STK3: variants seen among roughly 807,000 people sequenced by gnomAD.
STK3 encodes serine/threonine kinase 3.
In STK3, 41 loss-of-function variants were observed where a neutral mutation model predicts 58.0. That is an observed-to-expected ratio of 0.71 (90% confidence interval 0.55 to 0.92). STK3 has a LOEUF of 0.92. Among genes scored for constraint, STK3 ranks in the 40% least tolerant of loss-of-function variants. The pLI is 0.00. For missense variants in STK3, 479 were observed against 602.7 expected, an observed-to-expected ratio of 0.79 and a Z score of 2.15; for synonymous variants, 170 against 191.0, an observed-to-expected ratio of 0.89 and a Z score of 0.91.
At chr8:98,418,546 G>A (rs1447967021) in intron 3 of STK3, among the ~76,000 whole-genome samples, 1 of 152,190 alleles carries the variant, frequency 6.6e-6, no homozygotes, top group Non-Finnish European at 1.5e-5. Context: ...GCAGAAGGGC[G>A]AGGGCTGGGG....
intron 4 of STK3, among the ~76,000 whole-genome samples, chr8:98,737,613 G>A (rs978403843): frequency 2.0e-5 from 3 of 152,120 alleles, no homozygotes; most frequent in Admixed American, 6.5e-5. Flanking sequence ...AGCATTAGCC[G>A]ACTAGAAAAT....
At chr8:98,918,132 C>T (rs766360152) in intron 1 of STK3, among the ~76,000 whole-genome samples, 10 of 152,160 alleles carry the variant, frequency 6.6e-5, no homozygotes, top group African/African-American at 1.9e-4. Context: ...TGTTCCCTCC[C>T]CCTTTTTCTG....
chr8:98,883,873 C>A (rs1837886767), intron 1 of STK3: 1 of 597,524 alleles, frequency 1.7e-6, no homozygotes, highest in South Asian at 2.1e-5. Flanking sequence ...GTTCAGTCAA[C>A]TGAAGCCAGA....
Position 98,408,366 on chromosome 8 carries a change from A to G in STK3, n.484-6853T>C, listed in dbSNP as rs1032925642. ...TAAGCTAAATTTGATTCTGGCATAA[A>G]AATGCAATGGCTAAGATTCAGTGAT... On this transcript the variant is annotated intron_variant and non_coding_transcript_variant, in intron 3 of 3. Coordinates refer to the STK3 transcript ENST00000517832. 4.4e-4 allele frequency among the ~76,000 whole-genome samples: 67 copies of G among 152,232 alleles called. 2 individuals carry two copies. Among genetic ancestry groups the G allele is most frequent in the Admixed American group, 4.4e-3 (67 of 15,272 alleles).
At chr8:98,567,271 C>G (rs1812562641) in intron 8 of STK3, among the ~76,000 whole-genome samples, 1 of 152,210 alleles carries the variant, frequency 6.6e-6, no homozygotes, top group East Asian at 1.9e-4. Context: ...AAAGTCGACT[C>G]AATGCAACCT....
At chr8:98,546,396 T>C (rs1010970697) in intron 9 of STK3, among the ~76,000 whole-genome samples, 2 of 152,166 alleles carry the variant, frequency 1.3e-5, no homozygotes, top group African/African-American at 4.8e-5. Flanking sequence ...CTATTATATA[T>C]ATGCTGATGT....
chr8:98,803,593 C>CAAAAAAAAAAAAAAA (rs34316563), intron 1 of STK3, among the ~76,000 whole-genome samples: 7 of 38,820 alleles, frequency 1.8e-4, no homozygotes, highest in Admixed American at 5.8e-4. Flanking sequence ...GACTCTGTTT[C>CAAAAAAAAAAAAAAA]AAAAAAAAAA....
intron 6 of STK3, among the ~76,000 whole-genome samples, chr8:98,697,936 T>C (rs1825140899): frequency 6.6e-6 from 1 of 152,182 alleles, no homozygotes; most frequent in African/African-American, 2.4e-5. Flanking sequence ...TTCTGTCTGG[T>C]TGATCTGTCT....
At chr8:98,406,788 G>A (rs1342917586) in intron 3 of STK3, among the ~76,000 whole-genome samples, 1 of 152,160 alleles carries the variant, frequency 6.6e-6, no homozygotes, top group Non-Finnish European at 1.5e-5. Flanking sequence ...GGAGTGGTCA[G>A]GAGACACAGT....
chr8:98,352,814 G>A, the STK3 span, among the ~76,000 whole-genome samples: 1 of 152,020 alleles, frequency 6.6e-6, no homozygotes, highest in Admixed American at 6.5e-5. Context: ...CCAAAATACA[G>A]CATCTTAGGT....
intron 10 of STK3, among the ~76,000 whole-genome samples, chr8:98,495,821 A>G (rs1294468515): frequency 1.3e-5 from 2 of 152,202 alleles, no homozygotes; most frequent in Non-Finnish European, 2.9e-5. Context: ...GATAGACTTA[A>G]AAATCTTAAA....
At chr8:98,352,050 T>C in the STK3 span, among the ~76,000 whole-genome samples, 1 of 145,968 alleles carries the variant, frequency 6.9e-6, no homozygotes, top group Non-Finnish European at 1.5e-5. Flanking sequence ...GGCAGGAGAA[T>C]GGTGTGAATC....
chr8:98,863,922 C>T (rs1196328510), intron 3 of STK3, among the ~76,000 whole-genome samples: 2 of 152,058 alleles, frequency 1.3e-5, no homozygotes, highest in Middle Eastern at 3.4e-3. Context: ...TCAGGACGGG[C>T]GCGGTGGCTC....
intron 10 of STK3, among the ~76,000 whole-genome samples, chr8:98,469,810 T>A (rs1035972340): frequency 9.9e-5 from 15 of 152,252 alleles, no homozygotes; most frequent in Admixed American, 9.8e-4. Flanking sequence ...ATATTGTTGG[T>A]TTACCTCCTG....
At chr8:98,365,194 A>G in the STK3 span, among the ~76,000 whole-genome samples, 10 of 152,216 alleles carry the variant, frequency 6.6e-5, no homozygotes, top group South Asian at 4.1e-4. Flanking sequence ...ACAGCACTTT[A>G]GAAATCATGT....
intron 1 of STK3, among the ~76,000 whole-genome samples, chr8:98,913,038 T>A (rs1587839787): frequency 6.6e-6 from 1 of 151,948 alleles, no homozygotes; most frequent in African/African-American, 2.4e-5. Context: ...CTCCCAAATA[T>A]CTGGGATTAC....
chr8:98,608,724 T>C (rs1031940487), intron 6 of STK3, among the ~76,000 whole-genome samples: 3 of 152,160 alleles, frequency 2.0e-5, no homozygotes, highest in African/African-American at 7.2e-5. Context: ...GTCCTTGCAA[T>C]AGATAAATTC....
chr8:98,659,561 A>G (rs1161210886), intron 6 of STK3, among the ~76,000 whole-genome samples: 1 of 151,750 alleles, frequency 6.6e-6, no homozygotes, highest in Non-Finnish European at 1.5e-5. Context: ...TTGAAAAGTT[A>G]TAATGTCACA....
At chr8:98,811,640 C>T (rs1834223472) in intron 1 of STK3, among the ~76,000 whole-genome samples, 1 of 150,158 alleles carries the variant, frequency 6.7e-6, no homozygotes, top group Non-Finnish European at 1.5e-5. Flanking sequence ...GAAAGGTTTT[C>T]ATCCTTTAGT....
Sources: gnomAD v4.1 joint callset for allele counts (sites outside exome capture counted in the v4.1 genomes callset) on GRCh38, gnomAD v4.1.1 for gene constraint, MANE v1.5 for transcripts, NCBI Gene and HGNC (gene_info 2026-07-23, HGNC 2026-07-21) for gene names.